Variants in N4BP1 observed in about 807,000 individuals in gnomAD.
N4BP1 encodes NEDD4-binding protein 1.
In N4BP1, 21 loss-of-function variants were observed where a neutral mutation model predicts 70.9. The observed-to-expected ratio is 0.30, with a 90% CI of 0.21 to 0.43. The LOEUF is 0.43. N4BP1 is among the 20% of genes least tolerant of loss of function. N4BP1 has a pLI of 1.00. For missense variants in N4BP1, 936 were observed against 1,069.4 expected (o/e 0.88, Z 1.74); for synonymous variants, 387 against 394.6 (o/e 0.98, Z 0.23).
intron 1 of N4BP1, among the ~76,000 whole-genome samples, chr16:48,594,859 T>C (rs1187323002): frequency 2.0e-5 from 3 of 152,208 alleles, no homozygotes; most frequent in Non-Finnish European, 4.4e-5. Flanking sequence ...ACAAATTTTC[T>C]TGTCAATTGT....
At chr16:48,609,675 C>T in intron 1 of N4BP1, 100 bp downstream of exon 1, 1 of 1,068,392 alleles carries the variant, frequency 9.4e-7, no homozygotes, top group Non-Finnish European at 1.2e-6. Context: ...GTTCCCAACC[C>T]AGGCGCATCG....
chr16:48,597,671 A>G (rs1964436413), intron 1 of N4BP1, among the ~76,000 whole-genome samples: 1 of 152,102 alleles, frequency 6.6e-6, no homozygotes, highest in South Asian at 2.1e-4. Flanking sequence ...CCAATGAATG[A>G]TATCTACACT....
rs537678205 is a variant in N4BP1, at chr16:48,592,416, C to T, written c.198+17359G>A. Among the ~76,000 whole-genome samples, 16 of 152,164 alleles carry T rather than the reference C, an allele frequency of 1.1e-4. No homozygotes were observed. The South Asian group carries it at 3.3e-3, about 32-fold the overall frequency. ...TTTCCAGCTGTGCCTGCTTTTTAGG[C>T]CCTAGTAACTGCATGCTTTCCTAGC... On this transcript the variant is annotated intron_variant, in intron 1 of 6. Transcript: ENST00000262384.
intron 4 of N4BP1, among the ~76,000 whole-genome samples, chr16:48,551,165 T>C (rs904908710): frequency 3.2e-4 from 48 of 152,240 alleles, no homozygotes; most frequent in African/African-American, 1.2e-3. Context: ...CTTTTACTTA[T>C]AGATTTTCAG....
At chr16:48,595,986 G>A (rs1964407241) in intron 1 of N4BP1, among the ~76,000 whole-genome samples, 1 of 152,188 alleles carries the variant, frequency 6.6e-6, no homozygotes, top group Admixed American at 6.5e-5. Context: ...GGTTCCTTAT[G>A]GAACTGAATT....
intron 1 of N4BP1, among the ~76,000 whole-genome samples, chr16:48,570,676 T>C (rs1188509507): frequency 1.3e-5 from 2 of 152,194 alleles, no homozygotes; most frequent in Non-Finnish European, 2.9e-5. Context: ...GTCTTTGTTC[T>C]AAATCTGCCT....
chr16:48,564,131 T>C (rs1054473334), intron 1 of N4BP1, among the ~76,000 whole-genome samples: 3 of 152,220 alleles, frequency 2.0e-5, no homozygotes, highest in Non-Finnish European at 4.4e-5. Flanking sequence ...TAAGAGTCTT[T>C]TGTCAAATAT....
At chr16:48,575,421 T>C (rs2151093744) in intron 1 of N4BP1, among the ~76,000 whole-genome samples, 1 of 152,240 alleles carries the variant, frequency 6.6e-6, no homozygotes, top group East Asian at 1.9e-4. Context: ...TTCTTTTATG[T>C]GGTACATGGA....
chr16:48,605,352 G>A (rs530691701), intron 1 of N4BP1, among the ~76,000 whole-genome samples: 1 of 152,088 alleles, frequency 6.6e-6, no homozygotes, highest in African/African-American at 2.4e-5. Flanking sequence ...ATTCTAACTC[G>A]TCTCACCCCC....
intron 1 of N4BP1, among the ~76,000 whole-genome samples, chr16:48,609,059 A>AG (rs1382653310): frequency 6.6e-6 from 1 of 151,366 alleles, no homozygotes; most frequent in Non-Finnish European, 1.5e-5. Flanking sequence ...AAAAAAAAAA[A>AG]AAAAAATGAG....
intron 1 of N4BP1, among the ~76,000 whole-genome samples, chr16:48,604,685 A>G (rs1459690847): frequency 6.6e-6 from 1 of 152,152 alleles, no homozygotes; most frequent in South Asian, 2.1e-4. Context: ...TTTAGCACAT[A>G]TAACTGTTTT....
chr16:48,562,244 G>A lies in N4BP1; in HGVS notation c.399C>T (p.His133=), dbSNP rs755474777. Residue 133 remains histidine, a synonymous_variant, in exon 2 of 7, where the codon CAC becomes CAT. Coordinates refer to ENST00000262384, the MANE Select transcript of N4BP1 (RefSeq NM_153029.4). The stretch of plus-strand genomic sequence containing the variant: ...CAAAGAGCTTTACAAATTGTTGAAT[G>A]TGACTCCTAGCCATGACCACAGCCT... ...SAEAVVMARS[H]IQQFVKLFEN... 25 of 1,613,766 alleles carry A rather than the reference G, an allele frequency of 1.5e-5. No individual in the cohort carries two copies. The highest frequency in any genetic ancestry group is 3.4e-6 in the Non-Finnish European group (4 of 1,179,878).
chr16:48,584,602 T>C lies in N4BP1; in HGVS notation c.199-22158A>G, dbSNP rs1162430633. On this transcript the variant is annotated intron_variant, in intron 1 of 6. Coordinates refer to ENST00000262384, the MANE Select transcript of N4BP1 (RefSeq NM_153029.4). ...TGTAATACTTTAAACATGTTAGCCT[T>C]TTAAGGACAAAAAAAAACAAACCCA... Among the ~76,000 whole-genome samples the C allele has an allele frequency of 2.2e-5, 3 of 136,506 alleles. No homozygotes were observed. In the East Asian group the frequency reaches 6.1e-4, roughly 28 times the overall value. 89.6% of individuals were successfully genotyped at this position (136,506 alleles called of 152,430 possible).
intron 1 of N4BP1, among the ~76,000 whole-genome samples, chr16:48,573,753 G>T (rs974404696): frequency 6.6e-6 from 1 of 152,096 alleles, no homozygotes; most frequent in Non-Finnish European, 1.5e-5. Context: ...TTGATTAGAG[G>T]CCTCACCAAT....
At chr16:48,605,301 A>T (rs1464748673) in intron 1 of N4BP1, among the ~76,000 whole-genome samples, 1 of 152,088 alleles carries the variant, frequency 6.6e-6, no homozygotes, top group Non-Finnish European at 1.5e-5. Flanking sequence ...AAGTGTTGGG[A>T]TTACACAGGC....
intron 1 of N4BP1, among the ~76,000 whole-genome samples, chr16:48,580,008 T>C (rs901980066): frequency 6.6e-6 from 1 of 151,958 alleles, no homozygotes; most frequent in African/African-American, 2.4e-5. Flanking sequence ...ACAATAACTG[T>C]AAGGAACATC....
intron 6 of N4BP1, among the ~76,000 whole-genome samples, chr16:48,543,468 G>A (rs1597088413): frequency 1.3e-5 from 2 of 152,132 alleles, no homozygotes; most frequent in Admixed American, 6.5e-5. Context: ...ACCTCAAGGC[G>A]TGCCAGGGAA....
chr16:48,609,544 T>A (rs1484664372), intron 1 of N4BP1, among the ~76,000 whole-genome samples: 2 of 152,096 alleles, frequency 1.3e-5, no homozygotes, highest in African/African-American at 4.8e-5. Context: ...CCCTCTGAGG[T>A]AGGTACTTTC....
chr16:48,597,754 A>C (rs963452172), intron 1 of N4BP1, among the ~76,000 whole-genome samples: 6 of 151,988 alleles, frequency 3.9e-5, no homozygotes, highest in Admixed American at 3.3e-4. Context: ...AGGTTTCCTC[A>C]TGTCTCGTCA....
Sources: gnomAD v4.1 joint callset for allele counts (sites outside exome capture counted in the v4.1 genomes callset) on GRCh38, gnomAD v4.1.1 for gene constraint, MANE v1.5 for transcripts, NCBI Gene and HGNC (gene_info 2026-07-23, HGNC 2026-07-21) for gene names.